The following UNC93A variants were observed in gnomAD, a reference collection of about 807,000 sequenced individuals.
UNC93A encodes the protein unc-93 homolog A.
A neutral mutation model predicts 47.5 loss-of-function variants in UNC93A; 43 were observed. The observed-to-expected ratio is 0.91, with a 90% confidence interval of 0.71 to 1.17. The LOEUF is 1.17. Among genes scored for constraint, UNC93A ranks in the 50% most tolerant of loss-of-function variants. The pLI is 0.00. For synonymous variants in UNC93A, 280 were observed against 258.0 expected (o/e 1.09, Z -0.82); for missense variants, 605 against 577.6 (o/e 1.05, Z -0.49).
intron 5 of UNC93A, among the ~76,000 whole-genome samples, chr6:167,305,569 A>T (rs1367333473): frequency 1.3e-5 from 2 of 150,882 alleles, no homozygotes; most frequent in East Asian, 3.9e-4. Flanking sequence ...TTTTTTTTTT[A>T]ACTCTCTTTA....
chr6:167,313,826 A>C (rs2294236), intron 7 of UNC93A, among the ~76,000 whole-genome samples: 91,105 of 151,908 alleles, frequency 0.6, 27,624 homozygotes, highest in East Asian at 0.79. Flanking sequence ...AACAGTCACC[A>C]TCAAAAAACA....
intron 4 of UNC93A, among the ~76,000 whole-genome samples, chr6:167,299,175 T>C (rs1778173603): frequency 7.0e-6 from 1 of 143,540 alleles, no homozygotes; most frequent in African/African-American, 2.7e-5. Context: ...CATGTACATA[T>C]ACATATACAC....
chr6:167,312,248 G>A (rs1329250799), intron 7 of UNC93A, among the ~76,000 whole-genome samples: 4 of 150,858 alleles, frequency 2.7e-5, no homozygotes. Context: ...ACAGGACAGG[G>A]ACAGGCCTCC....
chr6:167,291,590 G>A lies in UNC93A; in HGVS notation c.87+14G>A. On this transcript the variant is annotated intron_variant, in intron 1 of 7. Coordinates refer to ENST00000230256, the MANE Select transcript of UNC93A (RefSeq NM_018974.4). The stretch of plus-strand genomic sequence containing the variant: ...CAGAGCCTGCAGGTATGTGTGTCCG[G>A]TCATCAAATTACCTGAACTTCTTGG... The A allele has an allele frequency of 6.3e-7, 1 of 1,596,356 alleles. No individual in the cohort carries two copies. Among genetic ancestry groups the A allele is most frequent in the Non-Finnish European group, 8.5e-7 (1 of 1,173,402 alleles).
intron 1 of UNC93A, among the ~76,000 whole-genome samples, chr6:167,278,017 C>A (rs565258739): frequency 6.6e-6 from 1 of 152,268 alleles, no homozygotes; most frequent in South Asian, 2.1e-4. Context: ...TTGAAGCATC[C>A]TCTACCCACC....
upstream of UNC93A, among the ~76,000 whole-genome samples, chr6:167,270,382 G>A (rs1046174831): frequency 6.6e-6 from 1 of 152,226 alleles, no homozygotes; most frequent in Middle Eastern, 3.4e-3. Context: ...AGGGTGCAAT[G>A]CGGAGGGCTG....
At position 167,304,008 on chromosome 6, in the gene UNC93A, G is replaced by A. The variant is rs780996114; in HGVS notation, c.715G>A (p.Val239Ile). 20 of 1,613,732 alleles carry A rather than the reference G, an allele frequency of 1.2e-5. No homozygotes were observed. In the South Asian group the frequency reaches 2.1e-4, roughly 17 times the overall value. The change falls in exon 5 of 8, where the codon GTA (valine) becomes ATA (isoleucine). Residue 239 changes from valine to isoleucine, a missense_variant. Transcript: ENST00000230256. The part of the protein sequence containing the change: ...QRESEGEKKS[V>I]PFWSTLLSTF... ...GGAAAGTGAAGGAGAGAAGAAATCA[G>A]TACCTTTCTGGTCCACTTTACTGTC...
upstream of UNC93A, among the ~76,000 whole-genome samples, chr6:167,269,455 C>A (rs902070854): frequency 6.6e-6 from 1 of 151,980 alleles, no homozygotes; most frequent in Non-Finnish European, 1.5e-5. Flanking sequence ...TGGCATTGCA[C>A]AAAATAAGTT....
chr6:167,294,728 AC>A (rs1414742389), intron 2 of UNC93A, 30 bp downstream of exon 2: 4 of 1,293,468 alleles, frequency 3.1e-6, no homozygotes, highest in Admixed American at 4.2e-5. Context: ...TGCCCACCCC[AC>A]CCCGGCCGTT....
At chr6:167,299,399 G>A (rs1005521953) in intron 4 of UNC93A, among the ~76,000 whole-genome samples, 3 of 152,046 alleles carry the variant, frequency 2.0e-5, no homozygotes, top group Non-Finnish European at 4.4e-5. Context: ...ATGATGTGCG[G>A]CACCAACCTC....
rs757604273 is a variant in UNC93A, at chr6:167,315,443, A to G, written c.1365A>G (p.Thr455=). ...VNQAEDEEIQ[T]KM ...AGGCAGAGGATGAAGAAATACAAAC[A>G]AAAATGTGAGAGCAGTGAGGTCCGA... is the stretch of plus-strand genomic sequence containing the variant. The change falls in exon 8 of 8, where the codon ACA becomes ACG. Residue 455 remains threonine (T), a synonymous_variant. Transcript: ENST00000230256. 6.2e-7 allele frequency: 1 copy of G among 1,613,992 alleles called. No homozygotes were observed. Among genetic ancestry groups the G allele is most frequent in the Non-Finnish European group, 8.5e-7 (1 of 1,179,884 alleles).
At position 167,276,067 on chromosome 6, in the gene UNC93A, T is replaced by C. The variant is rs1372006599; in HGVS notation, c.-52+4609T>C. On this transcript the variant is annotated intron_variant, in intron 1 of 3. Coordinates refer to the UNC93A transcript ENST00000503433. ...GATCATTTTTTTCTTTTCTTTTCTTTTTTTTTTTTTAGCTCACACATATGA... is the reference window on the plus strand; with the variant it reads ...GATCATTTTTTTCTTTTCTTTTCTTCTTTTTTTTTTAGCTCACACATATGA... Among the ~76,000 whole-genome samples the C allele has an allele frequency of 3.5e-3, 534 of 150,666 alleles. 8 individuals carry two copies. Among genetic ancestry groups the C allele is most frequent in the African/African-American group, 0.012 (508 of 41,104 alleles).
chr6:167,302,210 C>T (rs547495881), intron 4 of UNC93A, among the ~76,000 whole-genome samples: 15 of 152,244 alleles, frequency 9.9e-5, no homozygotes, highest in African/African-American at 3.4e-4. Context: ...CTTTGCAAAC[C>T]TCCCAGTTTC....
chr6:167,301,845 G>C (rs956883828), intron 4 of UNC93A, among the ~76,000 whole-genome samples: 1 of 152,130 alleles, frequency 6.6e-6, no homozygotes, highest in Non-Finnish European at 1.5e-5. Context: ...TCAGGGGGTC[G>C]GCTTGGAAGG....
chr6:167,308,976 G>A (rs949861565), intron 7 of UNC93A, among the ~76,000 whole-genome samples: 7 of 152,068 alleles, frequency 4.6e-5, no homozygotes, highest in African/African-American at 1.4e-4. Context: ...GTGAGGACAC[G>A]GATGGGAGAT....
intron 1 of UNC93A, among the ~76,000 whole-genome samples, chr6:167,285,205 C>A (rs1276624407): frequency 6.7e-6 from 1 of 148,230 alleles, no homozygotes; most frequent in Non-Finnish European, 1.5e-5. Context: ...ACACTCCCTG[C>A]CACACAGGCT....
At chr6:167,295,583 GCCTCGTGCTCCTCGCCTC>G (rs1562350303) in intron 2 of UNC93A, among the ~76,000 whole-genome samples, 1 of 18,128 alleles carries the variant, frequency 5.5e-5, no homozygotes, top group Non-Finnish European at 8.9e-5. Context: ...ATCCTCGCCT[GCCTCGTGCTCCTCGCCTC>G]CCTCGTGCTC....
chr6:167,292,362 C>T (rs1345652968), intron 1 of UNC93A, among the ~76,000 whole-genome samples: 6 of 152,100 alleles, frequency 3.9e-5, no homozygotes, highest in African/African-American at 1.4e-4. Context: ...TTACATGGTT[C>T]GTCAATGAAG....
chr6:167,303,495 A>T (rs1026570640), intron 4 of UNC93A, among the ~76,000 whole-genome samples: 1 of 152,180 alleles, frequency 6.6e-6, no homozygotes, highest in Admixed American at 6.5e-5. Context: ...AAATAAACAA[A>T]AGTGTAGCAA....
Sources: allele counts gnomAD v4.1 joint callset (sites outside exome capture counted in the v4.1 genomes callset), GRCh38; gene constraint gnomAD v4.1.1; transcripts MANE v1.5; gene names NCBI Gene and HGNC (gene_info 2026-07-23, HGNC 2026-07-21).